DGKB: variants seen among roughly 807,000 people sequenced by gnomAD.
DGKB encodes the protein 90 kDa diacylglycerol kinase.
Under a neutral mutation model 114.3 loss-of-function variants are expected in DGKB, and 67 were observed. The ratio of observed to expected loss-of-function variants is 0.59; its 90% confidence interval spans 0.48 to 0.72. The LOEUF is 0.72. DGKB is among the 30% of genes least tolerant of loss of function. The pLI, the probability that DGKB is intolerant of heterozygous loss-of-function variation, is 0.00. For missense variants in DGKB, 907 were observed against 975.2 expected, an observed-to-expected ratio of 0.93 and a Z score of 0.93; for synonymous variants, 398 against 323.1, an observed-to-expected ratio of 1.23 and a Z score of -2.49.
intron 1 of DGKB, among the ~76,000 whole-genome samples, chr7:14,913,390 C>G (rs1433259569): frequency 6.6e-6 from 1 of 150,870 alleles, no homozygotes. Flanking sequence ...TCCTGTTGCT[C>G]TCACTAAAAC....
intron 23 of DGKB, among the ~76,000 whole-genome samples, chr7:14,213,351 G>C (rs1306302552): frequency 6.6e-6 from 1 of 152,114 alleles, no homozygotes; most frequent in Non-Finnish European, 1.5e-5. Context: ...TCAAGATAGA[G>C]AAATAGAGAT....
chr7:14,880,341 C>G lies in DGKB; in HGVS notation c.-188+22251G>C, dbSNP rs189418075. Among the ~76,000 whole-genome samples, 374 of 152,160 alleles carry G rather than the reference C, an allele frequency of 2.5e-3. 2 individuals are homozygous for G. Among genetic ancestry groups the G allele is most frequent in the African/African-American group, 8.6e-3 (356 of 41,500 alleles). On this transcript the variant is annotated intron_variant, in intron 1 of 25. Transcript: ENST00000402815. ...GGTATGGTGGCATACACCTGTAGTC[C>G]CAGCTACTCGGGAGGCTGAGGTAGA...
chr7:14,485,999 A>G (rs1001464139), intron 20 of DGKB, among the ~76,000 whole-genome samples: 3 of 152,198 alleles, frequency 2.0e-5, no homozygotes, highest in Non-Finnish European at 2.9e-5. Flanking sequence ...AGGTGATGGC[A>G]AAATTTATAA....
At chr7:14,885,291 C>T (rs1009384216) in intron 1 of DGKB, among the ~76,000 whole-genome samples, 3 of 151,936 alleles carry the variant, frequency 2.0e-5, no homozygotes, top group African/African-American at 7.2e-5. Context: ...CACTCAAGGA[C>T]AACCATGTAG....
intron 12 of DGKB, among the ~76,000 whole-genome samples, chr7:14,681,380 A>G (rs1172644846): frequency 2.6e-5 from 4 of 151,944 alleles, no homozygotes; most frequent in Admixed American, 2.6e-4. Flanking sequence ...GTATTTTTGA[A>G]AAGTAAGTCA....
At chr7:14,450,782 C>T (rs1427904649) in intron 21 of DGKB, among the ~76,000 whole-genome samples, 2 of 151,904 alleles carry the variant, frequency 1.3e-5, no homozygotes, top group Non-Finnish European at 2.9e-5. Flanking sequence ...GGAAAGTCCT[C>T]GCCAAGTCAC....
At chr7:14,688,688 T>C (rs1174137936) in intron 9 of DGKB, among the ~76,000 whole-genome samples, 3 of 152,236 alleles carry the variant, frequency 2.0e-5, no homozygotes, top group Admixed American at 1.3e-4. Flanking sequence ...TACTCCATGC[T>C]GAGAAGGAAC....
In DGKB at chr7:14,887,113, T is replaced by C. The variant is rs1043173133; in HGVS notation, c.-188+15479A>G. ...ATTTCTGGTGTGATTTCCTGTTTATTTGTGTGGTTATTATATATGTTTTCT... is the reference window on the plus strand; with the variant it reads ...ATTTCTGGTGTGATTTCCTGTTTATCTGTGTGGTTATTATATATGTTTTCT... On this transcript the variant is annotated intron_variant, in intron 1 of 25. Transcript: ENST00000402815. Among the ~76,000 whole-genome samples, 7 of 152,012 alleles carry C rather than the reference T, an allele frequency of 4.6e-5. No homozygotes were observed. In the East Asian group the frequency reaches 1.4e-3, roughly 29 times the overall value.
chr7:14,690,016 T>C (rs902765156), intron 9 of DGKB, among the ~76,000 whole-genome samples: 7 of 152,278 alleles, frequency 4.6e-5, no homozygotes, highest in Admixed American at 2.0e-4. Flanking sequence ...CCAGAAACCA[T>C]GCAGGCTAGA....
intron 21 of DGKB, among the ~76,000 whole-genome samples, chr7:14,402,694 G>T (rs1398589511): frequency 6.6e-6 from 1 of 151,856 alleles, no homozygotes; most frequent in Non-Finnish European, 1.5e-5. Flanking sequence ...TGTCAATTTG[G>T]TAAGGGTATG....
At chr7:14,928,166 G>C (rs970482973) in intron 1 of DGKB, among the ~76,000 whole-genome samples, 1 of 151,904 alleles carries the variant, frequency 6.6e-6, no homozygotes, top group African/African-American at 2.4e-5. Context: ...TCTTTCAACA[G>C]ATATTTAATG....
intron 17 of DGKB, among the ~76,000 whole-genome samples, chr7:14,597,043 C>T (rs1028620661): frequency 3.3e-5 from 5 of 152,158 alleles, no homozygotes; most frequent in African/African-American, 1.2e-4. Flanking sequence ...TCTGGGCACA[C>T]ATCTTACTAT....
intron 21 of DGKB, among the ~76,000 whole-genome samples, chr7:14,361,011 A>C (rs1376088350): frequency 6.6e-6 from 1 of 152,048 alleles, no homozygotes; most frequent in Non-Finnish European, 1.5e-5. Flanking sequence ...ACACCTCTCT[A>C]GTTCCTTCAC....
chr7:14,735,615 C>A (rs1455717962), intron 5 of DGKB, among the ~76,000 whole-genome samples: 1 of 152,152 alleles, frequency 6.6e-6, no homozygotes, highest in African/African-American at 2.4e-5. Flanking sequence ...AAAATCAAAT[C>A]TCTGTTCTGA....
intron 20 of DGKB, among the ~76,000 whole-genome samples, chr7:14,538,345 CA>C (rs926248880): frequency 6.6e-6 from 1 of 151,808 alleles, no homozygotes; most frequent in Non-Finnish European, 1.5e-5. Context: ...GACATTTTTC[CA>C]AAAAAGATAC....
chr7:14,626,401 C>T (rs568441292), intron 14 of DGKB, among the ~76,000 whole-genome samples: 1 of 152,350 alleles, frequency 6.6e-6, no homozygotes, highest in East Asian at 1.9e-4. Context: ...CCTGCTACTA[C>T]TGCACAACTT....
chr7:14,671,588 A>G (rs1818971756), intron 13 of DGKB, among the ~76,000 whole-genome samples: 2 of 152,074 alleles, frequency 1.3e-5, no homozygotes, highest in South Asian at 4.1e-4. Flanking sequence ...AAAAGAATAC[A>G]CCTTATGTTT....
intron 20 of DGKB, among the ~76,000 whole-genome samples, chr7:14,537,559 G>C (rs1043303013): frequency 1.3e-5 from 2 of 152,090 alleles, no homozygotes; most frequent in African/African-American, 4.8e-5. Flanking sequence ...TCAATACATG[G>C]TGTTTGTAAA....
At chr7:14,840,504 C>T (rs894044850) in intron 2 of DGKB, among the ~76,000 whole-genome samples, 2 of 152,082 alleles carry the variant, frequency 1.3e-5, no homozygotes, top group Non-Finnish European at 2.9e-5. Flanking sequence ...AAATCTTACT[C>T]TACATATGCA....
Sources: allele counts gnomAD v4.1 joint callset (sites outside exome capture counted in the v4.1 genomes callset), GRCh38; gene constraint gnomAD v4.1.1; transcripts MANE v1.5; gene names NCBI Gene and HGNC (gene_info 2026-07-23, HGNC 2026-07-21).